The following ADAMTSL1 variants were observed in gnomAD, a reference collection of about 807,000 sequenced individuals.
ADAMTSL1 encodes the protein ADAMTS-like protein 1.
A neutral mutation model predicts 201.8 loss-of-function variants in ADAMTSL1; 126 were observed. The ratio of observed to expected loss-of-function variants is 0.62; its 90% confidence interval spans 0.54 to 0.72. The LOEUF (loss-of-function observed/expected upper bound fraction) is 0.72. ADAMTSL1 is among the 30% of genes least tolerant of loss of function. The pLI is 0.00. For missense variants in ADAMTSL1, 2,679 were observed against 2,277.8 expected (o/e 1.18, Z -3.59); for synonymous variants, 1,121 against 903.4 (o/e 1.24, Z -4.32).
At chr9:18,745,639 T>C in intron 15 of ADAMTSL1, among the ~76,000 whole-genome samples, 1 of 152,186 alleles carries the variant, frequency 6.6e-6, no homozygotes, top group East Asian at 1.9e-4. Flanking sequence ...CAGAGAGAAC[T>C]AGGAAATACT....
At chr9:18,705,450 T>C (rs1201326418) in intron 13 of ADAMTSL1, among the ~76,000 whole-genome samples, 1 of 152,150 alleles carries the variant, frequency 6.6e-6, no homozygotes, top group East Asian at 1.9e-4. Context: ...TTAATGAAGA[T>C]GGGAGGACAT....
chr9:18,906,991 C>T (rs1830348491), intron 28 of ADAMTSL1, 79 bp downstream of exon 28: 1 of 1,522,120 alleles, frequency 6.6e-7, no homozygotes, highest in Non-Finnish European at 9.0e-7. Flanking sequence ...GGGACCGACC[C>T]TGAGCATAGG....
chr9:18,182,168 T>G (rs1828515401), intron 2 of ADAMTSL1, among the ~76,000 whole-genome samples: 1 of 149,342 alleles, frequency 6.7e-6, no homozygotes, highest in African/African-American at 2.5e-5. Context: ...GGGATAGCAT[T>G]GGGAGATATA....
chr9:18,892,361 C>A (rs1476604190), intron 25 of ADAMTSL1, 28 bp from the exon 26 acceptor site: 3 of 1,597,596 alleles, frequency 1.9e-6, no homozygotes, highest in African/African-American at 2.7e-5. Context: ...CCCTTTAGGG[C>A]TCTCCTGACA....
rs375683505 is a variant in ADAMTSL1, at chr9:18,024,093, A to C, written c.87+117171A>C. On this transcript the variant is annotated intron_variant, in intron 1 of 29. Transcript: ENST00000680146. ...TATCTGGTTACATCATGAATTGATCAGATATTTTAAAATATAGTCTACTGC... is the reference window on the plus strand; with the variant it reads ...TATCTGGTTACATCATGAATTGATCCGATATTTTAAAATATAGTCTACTGC... Among the ~76,000 whole-genome samples the C allele has an allele frequency of 1.8e-4, 27 of 152,130 alleles. No homozygotes were observed. In the East Asian group the frequency reaches 5.3e-3, roughly 30 times the overall value.
intron 20 of ADAMTSL1, among the ~76,000 whole-genome samples, chr9:18,798,716 G>A (rs1306029220): frequency 1.1e-4 from 17 of 152,186 alleles, no homozygotes; most frequent in Non-Finnish European, 1.8e-4. Flanking sequence ...AGAGAGAGAC[G>A]CCTGATGGGC....
chr9:18,154,412 T>A (rs1452947339), intron 1 of ADAMTSL1, among the ~76,000 whole-genome samples: 2 of 152,022 alleles, frequency 1.3e-5, no homozygotes, highest in East Asian at 3.9e-4. Context: ...TATCTGGTGG[T>A]TCCGTAGGCA....
chr9:18,240,911 T>G (rs1350139312), intron 2 of ADAMTSL1, among the ~76,000 whole-genome samples: 1 of 152,190 alleles, frequency 6.6e-6, no homozygotes, highest in Non-Finnish European at 1.5e-5. Flanking sequence ...CCTTCAAATT[T>G]CTCTTCTGCA....
chr9:18,175,542 G>T (rs1308510907), intron 2 of ADAMTSL1, among the ~76,000 whole-genome samples: 1 of 152,142 alleles, frequency 6.6e-6, no homozygotes, highest in African/African-American at 2.4e-5. Flanking sequence ...TCTTGCTTCT[G>T]ACAATATCCA....
At chr9:17,936,798 C>T (rs1352350688) in intron 1 of ADAMTSL1, among the ~76,000 whole-genome samples, 1 of 152,170 alleles carries the variant, frequency 6.6e-6, no homozygotes, top group African/African-American at 2.4e-5. Flanking sequence ...TGCTTTACTC[C>T]CCTTCCACAA....
intron 18 of ADAMTSL1, 124 bp from the exon 19 acceptor site, chr9:18,776,641 CCGTCCTCCGGCACCTT>C: frequency 3.9e-6 from 4 of 1,018,264 alleles, no homozygotes; most frequent in Non-Finnish European, 5.5e-6. Context: ...ACTTTCTCTC[CCGTCCTCCGGCACCTT>C]CGTCTCTCCT....
At chr9:17,962,252 C>G (rs949682107) in intron 1 of ADAMTSL1, among the ~76,000 whole-genome samples, 1 of 152,218 alleles carries the variant, frequency 6.6e-6, no homozygotes, top group African/African-American at 2.4e-5. Context: ...CACTCTAAAA[C>G]TGGGAGGGCA....
At chr9:18,236,989 A>G (rs1014922977) in intron 2 of ADAMTSL1, among the ~76,000 whole-genome samples, 1 of 152,254 alleles carries the variant, frequency 6.6e-6, no homozygotes, top group Non-Finnish European at 1.5e-5. Context: ...ATCTTTACAC[A>G]GATAACATTT....
intron 2 of ADAMTSL1, among the ~76,000 whole-genome samples, chr9:18,311,820 C>A (rs1259368016): frequency 6.6e-6 from 1 of 152,056 alleles, no homozygotes; most frequent in East Asian, 1.9e-4. Context: ...CACAGTATTA[C>A]AAAGGGCTGC....
chr9:18,207,028 C>T (rs748199572), intron 2 of ADAMTSL1, among the ~76,000 whole-genome samples: 64 of 151,690 alleles, frequency 4.2e-4, no homozygotes, highest in Non-Finnish European at 7.1e-4. Flanking sequence ...AGCTGGGCGT[C>T]GTGGTGCATG....
At chr9:18,291,774 C>CACACAA (rs1461176393) in intron 2 of ADAMTSL1, among the ~76,000 whole-genome samples, 9 of 144,796 alleles carry the variant, frequency 6.2e-5, no homozygotes, top group Admixed American at 2.8e-4. Context: ...CACACACACA[C>CACACAA]ACACATCCCT....
At chr9:18,122,713 C>A (rs1327217471) in intron 1 of ADAMTSL1, among the ~76,000 whole-genome samples, 2 of 152,152 alleles carry the variant, frequency 1.3e-5, no homozygotes, top group Non-Finnish European at 2.9e-5. Context: ...CATACATCTT[C>A]TTTTCAGCGG....
intron 7 of ADAMTSL1, among the ~76,000 whole-genome samples, chr9:18,650,550 T>C (rs1466473000): frequency 6.6e-6 from 1 of 152,168 alleles, no homozygotes; most frequent in East Asian, 1.9e-4. Flanking sequence ...CCCTCCTCCA[T>C]GGAATTTTAT....
At chr9:18,614,933 C>G (rs1825605921) in intron 4 of ADAMTSL1, among the ~76,000 whole-genome samples, 2 of 152,000 alleles carry the variant, frequency 1.3e-5, no homozygotes, top group African/African-American at 4.8e-5. Flanking sequence ...TTTCCATCTA[C>G]TCAAAACACT....
Sources: gnomAD v4.1 joint callset for allele counts (sites outside exome capture counted in the v4.1 genomes callset) on GRCh38, gnomAD v4.1.1 for gene constraint, MANE v1.5 for transcripts, NCBI Gene and HGNC (gene_info 2026-07-23, HGNC 2026-07-21) for gene names.